NECTIN1: variants seen among roughly 807,000 people sequenced by gnomAD.
The protein encoded by NECTIN1 is nectin-1.
A neutral mutation model predicts 48.0 loss-of-function variants in NECTIN1; 23 were observed. The observed-to-expected ratio is 0.48, with a 90% CI of 0.34 to 0.68. The LOEUF (loss-of-function observed/expected upper bound fraction) is 0.68. NECTIN1 is among the 30% of genes least tolerant of loss of function. NECTIN1 has a pLI of 0.01. For missense variants in NECTIN1, 591 were observed against 709.9 expected (o/e 0.83, Z 1.90); for synonymous variants, 270 against 288.9 (o/e 0.93, Z 0.66).
At chr11:119,687,648 CG>C (rs1442066883) in intron 1 of NECTIN1, among the ~76,000 whole-genome samples, 1 of 151,986 alleles carries the variant, frequency 6.6e-6, no homozygotes, top group Non-Finnish European at 1.5e-5. Context: ...GTGGGAGAGG[CG>C]GGGGGCTGCC....
rs1333259089 is a variant in NECTIN1 at position 119,728,738 on chromosome 11, G to C, written c.-185C>G. On this transcript the variant is annotated 5_prime_UTR_variant, in exon 1 of 6. Transcript: ENST00000264025. ...TCCGCGCGGCCGCAGTCCGGGCCCC[G>C]GGCCGCCGCCGGCTCAGAGGCTCGG... The C allele has an allele frequency of 2.2e-5, 10 of 458,666 alleles. No homozygotes were observed. Among genetic ancestry groups the C allele is most frequent in the Non-Finnish European group, 3.4e-5 (9 of 260,972 alleles). 28.4% of individuals were successfully genotyped at this position (458,666 alleles called of 1,614,324 possible). A position where few individuals can be genotyped will look rare whatever the true frequency, so the allele number is the denominator to read the frequency against.
chr11:119,704,264 C>T (rs1865509191), intron 1 of NECTIN1, among the ~76,000 whole-genome samples: 1 of 152,030 alleles, frequency 6.6e-6, no homozygotes, highest in Non-Finnish European at 1.5e-5. Context: ...ACTCTGTCGC[C>T]CAGGCTGGAG....
Position 119,709,764 on chromosome 11 carries a change from G to T in NECTIN1, c.79+18711C>A, listed in dbSNP as rs1000059429. On this transcript the variant is annotated intron_variant, in intron 1 of 5. Transcript: ENST00000264025. The surrounding 1 kb of genome is among the most constrained non-coding windows in gnomAD (Gnocchi z 4.1). ...CGGGTTTGTGGAGAGAGGGCAGGAC[G>T]AGGCGGAGCGGGTTTGAGGGGGAGG... 6.6e-6 allele frequency among the ~76,000 whole-genome samples: 1 copy of T among 152,112 alleles called. No individual in the cohort carries two copies. The highest frequency in any genetic ancestry group is 1.5e-5 in the Non-Finnish European group (1 of 68,006).
At position 119,684,431 on chromosome 11, in the gene NECTIN1, C is replaced by T. The variant is rs941173087; in HGVS notation, c.80-5666G>A. Among the ~76,000 whole-genome samples, 3 of 152,206 alleles carry T rather than the reference C, an allele frequency of 2.0e-5. No individual in the cohort carries two copies. The highest frequency in any genetic ancestry group is 1.3e-4 in the Admixed American group (2 of 15,286). ...TGTGTCTGAGGTGGGTGCTGGGCTC[C>T]GCCATAAGGGCCTCTGTGAAATCGA... On this transcript the variant is annotated intron_variant, in intron 1 of 5. Transcript: ENST00000264025. This position sits in a 1 kb window ranked among gnomAD's most constrained non-coding sequence, Gnocchi z 5.2.
intron 1 of NECTIN1, chr11:119,713,772 C>T (rs1865700056): frequency 2.2e-6 from 1 of 450,334 alleles, no homozygotes; most frequent in Admixed American, 2.4e-5. Context: ...CCTCCTCACC[C>T]CCCGCCCTCT....
In NECTIN1 at chr11:119,664,891, G is replaced by C. The variant is rs759752941; in HGVS notation, c.1410C>G (p.Thr470=). 9 of 1,614,016 alleles carry C rather than the reference G, an allele frequency of 5.6e-6. No individual in the cohort carries two copies. Among genetic ancestry groups the C allele is most frequent in the East Asian group, 4.5e-5 (2 of 44,868 alleles). ...YDEDAKRPYF[T]VDEAEARQDG... is the part of the protein sequence containing the mutation. ...CCTGACGGGCCTCGGCCTCATCCAC[G>C]GTGAAGTAGGGCCGCTTGGCGTCCT... Residue 470 remains threonine (T), a synonymous_variant, in exon 6 of 6, where the codon ACC becomes ACG. Coordinates refer to ENST00000264025, the MANE Select transcript of NECTIN1 (RefSeq NM_002855.5).
At chr11:119,691,469 A>C (rs1036229905) in intron 1 of NECTIN1, among the ~76,000 whole-genome samples, 1 of 152,236 alleles carries the variant, frequency 6.6e-6, no homozygotes, top group Non-Finnish European at 1.5e-5. Context: ...GCTGAGCTGA[A>C]GGCTGCTCTG....
chr11:119,648,277 A>ATGGTGGTGATGG (rs1864429284), intron 5 of NECTIN1, among the ~76,000 whole-genome samples: 1 of 25,014 alleles, frequency 4.0e-5, no homozygotes, highest in Non-Finnish European at 6.7e-5. Flanking sequence ...GGTGGTGGTG[A>ATGGTGGTGATGG]TGGTGGTGGT....
intron 1 of NECTIN1, among the ~76,000 whole-genome samples, chr11:119,692,546 C>T (rs1366234628): frequency 6.6e-6 from 1 of 152,256 alleles, no homozygotes; most frequent in African/African-American, 2.4e-5. Flanking sequence ...TGCTCCCCTC[C>T]TTCCCTCCCT....
In NECTIN1 at chr11:119,684,550, C is replaced by T. The variant is rs546576141; in HGVS notation, c.80-5785G>A. 3.3e-5 allele frequency among the ~76,000 whole-genome samples: 5 copies of T among 152,294 alleles called. No homozygotes were observed. Among genetic ancestry groups the T allele is most frequent in the East Asian group, 1.9e-4 (1 of 5,178 alleles). Reference sequence around the variant, plus strand: ...GGGGACAGGATGTCCGGTGAGAAACCGGCTAAGTGGTAAGTGGGAGTGACT... The same window carrying T: ...GGGGACAGGATGTCCGGTGAGAAACTGGCTAAGTGGTAAGTGGGAGTGACT... On this transcript the variant is annotated intron_variant, in intron 1 of 5. Coordinates refer to ENST00000264025, the MANE Select transcript of NECTIN1 (RefSeq NM_002855.5). This position sits in a 1 kb window ranked among gnomAD's most constrained non-coding sequence, Gnocchi z 5.2.
chr11:119,700,332 G>C (rs954428452), intron 1 of NECTIN1, among the ~76,000 whole-genome samples: 1 of 152,242 alleles, frequency 6.6e-6, no homozygotes, highest in Non-Finnish European at 1.5e-5. Flanking sequence ...CATTTGTCAA[G>C]TGCGGACACC....
Position 119,677,466 on chromosome 11 carries a change from G to T in NECTIN1, c.733+89C>A. The T allele has an allele frequency of 6.8e-7, 1 of 1,469,336 alleles. No individual in the cohort carries two copies. Among genetic ancestry groups the T allele is most frequent in the South Asian group, 1.1e-5 (1 of 87,692 alleles). 91.0% of individuals were successfully genotyped at this position (1,469,336 alleles called of 1,614,324 possible). The stretch of plus-strand genomic sequence containing the variant: ...AGGAGGGGAGAAGAAAGCACCCCCA[G>T]AAAGAGAAAGGGAGGAGAAAGGAGA... On this transcript the variant is annotated intron_variant, in intron 3 of 5. Transcript: ENST00000264025. This position sits in a 1 kb window ranked among gnomAD's most constrained non-coding sequence, Gnocchi z 5.4.
downstream of NECTIN1, among the ~76,000 whole-genome samples, chr11:119,660,685 C>T (rs79020423): frequency 1.6e-3 from 241 of 152,280 alleles, 2 homozygotes; most frequent in East Asian, 0.04. Flanking sequence ...TCCCTCTCTG[C>T]TGTGTGCACC....
intron 1 of NECTIN1, among the ~76,000 whole-genome samples, chr11:119,689,739 G>C (rs4936492): frequency 6.6e-6 from 1 of 151,960 alleles, no homozygotes; most frequent in Non-Finnish European, 1.5e-5. Context: ...CCATCCCCTC[G>C]AGAAGGTCTT....
intron 5 of NECTIN1, among the ~76,000 whole-genome samples, chr11:119,667,495 G>T (rs1864794416): frequency 6.6e-6 from 1 of 152,254 alleles, no homozygotes; most frequent in Non-Finnish European, 1.5e-5. Context: ...AGTGCAGGGT[G>T]CAGGGGAACG....
rs772160830 is a variant in NECTIN1, at chr11:119,677,587, C to T, written c.701G>A (p.Arg234His). Residue 234 changes from arginine to histidine, a missense_variant, in exon 3 of 6, where the codon CGC (arginine) becomes CAC (histidine). By Grantham distance (29) the Arg-to-His change is conservative. Coordinates refer to ENST00000264025, the MANE Select transcript of NECTIN1 (RefSeq NM_002855.5). The surrounding 1 kb of genome is among the most constrained non-coding windows in gnomAD (Gnocchi z 5.4). Reference protein sequence around the residue: ...LACIVNYHMDRFKESLTLNVQ... With the variant: ...LACIVNYHMDHFKESLTLNVQ... ...GTTGAGAGTGAGGCTTTCCTTGAAG[C>T]GGTCCATGTGGTAGTTGACGATGCA... 68 of 1,613,010 alleles carry T rather than the reference C, an allele frequency of 4.2e-5. No homozygotes were observed. Among genetic ancestry groups the T allele is most frequent in the South Asian group, 1.3e-4 (12 of 91,014 alleles).
Position 119,693,969 on chromosome 11 carries a change from T to G in NECTIN1, c.80-15204A>C, listed in dbSNP as rs1865304449. On this transcript the variant is annotated intron_variant, in intron 1 of 5. Coordinates refer to ENST00000264025, the MANE Select transcript of NECTIN1 (RefSeq NM_002855.5). ...TAATTAGATTTAATTACTGGGGTAA[T>G]TAATGATTTGATTGGAAAACTAAAA... Among the ~76,000 whole-genome samples, 3 of 152,226 alleles carry G rather than the reference T, an allele frequency of 2.0e-5. No homozygotes were observed. The South Asian group carries it at 6.2e-4, about 32-fold the overall frequency.
At position 119,662,999 on chromosome 11, in the gene NECTIN1, G is replaced by T. The variant is rs983676218; in HGVS notation, c.*1748C>A. ...CAGGGCAGAAATGGAGCTGGCAGGGGGTTCAATAGCAGCACCAGGGAGGGG... is the reference window on the plus strand; with the variant it reads ...CAGGGCAGAAATGGAGCTGGCAGGGTGTTCAATAGCAGCACCAGGGAGGGG... On this transcript the variant is annotated 3_prime_UTR_variant, in exon 6 of 6. Transcript: ENST00000264025. The surrounding 1 kb of genome is among the most constrained non-coding windows in gnomAD (Gnocchi z 5.3). 2 of 747,300 alleles carry T rather than the reference G, an allele frequency of 2.7e-6. No homozygotes were observed. Among genetic ancestry groups the T allele is most frequent in the Non-Finnish European group, 1.6e-6 (1 of 627,762 alleles). 46.3% of individuals were successfully genotyped at this position (747,300 alleles called of 1,614,324 possible).
rs1381919856 is a variant in NECTIN1 at position 119,727,728 on chromosome 11, G to A, written c.79+747C>T. On this transcript the variant is annotated intron_variant, in intron 1 of 5. Transcript: ENST00000264025. This position sits in a 1 kb window ranked among gnomAD's most constrained non-coding sequence, Gnocchi z 4.1. ...TGCCGGCAGCCCGCACCTCGAGGAA[G>A]GACACGCGGGGCACCCTCGGGAAAG... Among the ~76,000 whole-genome samples the A allele has an allele frequency of 6.6e-6, 1 of 152,294 alleles. No individual in the cohort carries two copies. Among genetic ancestry groups the A allele is most frequent in the East Asian group, 1.9e-4 (1 of 5,174 alleles).
Sources: allele counts gnomAD v4.1 joint callset (sites outside exome capture counted in the v4.1 genomes callset), GRCh38; gene constraint gnomAD v4.1.1; non-coding constraint Gnocchi (gnomAD v3.1); transcripts MANE v1.5; gene names NCBI Gene and HGNC (gene_info 2026-07-23, HGNC 2026-07-21).